Variants in HS6ST3 observed in about 807,000 individuals in gnomAD.
The protein encoded by HS6ST3 is heparan sulfate 6-O-sulfotransferase 3, also known as heparan-sulfate 6-O-sulfotransferase 3.
Under a neutral mutation model 36.7 loss-of-function variants are expected in HS6ST3, and 12 were observed. The observed-to-expected ratio is 0.33, with a 90% CI of 0.21 to 0.53. HS6ST3 has a LOEUF of 0.53. Ranked by LOEUF, HS6ST3 falls within the 20% of genes least tolerant of loss-of-function variation. The pLI, the probability that HS6ST3 is intolerant of heterozygous loss-of-function variation, is 0.95. For missense variants in HS6ST3, 584 were observed against 640.9 expected (o/e 0.91, Z 0.96); for synonymous variants, 240 against 257.5 (o/e 0.93, Z 0.65).
chr13:96,601,623 T>C (rs933836694), intron 1 of HS6ST3, among the ~76,000 whole-genome samples: 2 of 152,224 alleles, frequency 1.3e-5, no homozygotes, highest in African/African-American at 4.8e-5. Context: ...AAAGATTTGA[T>C]TTTGATTTGA....
chr13:96,112,811 A>T (rs1453972794), intron 1 of HS6ST3, among the ~76,000 whole-genome samples: 1 of 151,510 alleles, frequency 6.6e-6, no homozygotes, highest in Non-Finnish European at 1.5e-5. Flanking sequence ...AGACAACATA[A>T]CTTAAATAAA....
chr13:96,126,902 C>T (rs2053954807), intron 1 of HS6ST3, among the ~76,000 whole-genome samples: 1 of 152,054 alleles, frequency 6.6e-6, no homozygotes, highest in South Asian at 2.1e-4. Flanking sequence ...TTTCCTCTAC[C>T]CCCAGCTCTC....
At chr13:96,569,028 T>C (rs1284797102) in intron 1 of HS6ST3, among the ~76,000 whole-genome samples, 4 of 152,252 alleles carry the variant, frequency 2.6e-5, no homozygotes, top group Non-Finnish European at 5.9e-5. Flanking sequence ...TTGGTTATCT[T>C]CATGGAAAGA....
chr13:96,602,975 G>C (rs190396784), intron 1 of HS6ST3, among the ~76,000 whole-genome samples: 1 of 152,046 alleles, frequency 6.6e-6, no homozygotes, highest in African/African-American at 2.4e-5. Context: ...TTTTCTTATT[G>C]TCATGCTATA....
At chr13:96,208,275 T>C (rs770325828) in intron 1 of HS6ST3, among the ~76,000 whole-genome samples, 30 of 152,172 alleles carry the variant, frequency 2.0e-4, no homozygotes, top group Non-Finnish European at 2.4e-4. Flanking sequence ...ATTATTCTTT[T>C]AATGATTACA....
At chr13:96,548,976 A>G (rs988226344) in intron 1 of HS6ST3, among the ~76,000 whole-genome samples, 4 of 152,198 alleles carry the variant, frequency 2.6e-5, no homozygotes, top group African/African-American at 9.6e-5. Flanking sequence ...ACATACAATC[A>G]ACCCTCACAC....
chr13:96,538,284 T>C (rs1207268120), intron 1 of HS6ST3, among the ~76,000 whole-genome samples: 1 of 152,266 alleles, frequency 6.6e-6, no homozygotes, highest in African/African-American at 2.4e-5. Context: ...CCAATCATAC[T>C]TTGAGAGAAT....
At chr13:96,418,301 G>C (rs1427395110) in intron 1 of HS6ST3, among the ~76,000 whole-genome samples, 1 of 152,230 alleles carries the variant, frequency 6.6e-6, no homozygotes, top group Admixed American at 6.5e-5. Context: ...TGAACATGCA[G>C]TATGAATGAC....
At chr13:96,433,530 T>G (rs2055626577) in intron 1 of HS6ST3, among the ~76,000 whole-genome samples, 1 of 152,222 alleles carries the variant, frequency 6.6e-6, no homozygotes, top group African/African-American at 2.4e-5. Flanking sequence ...ATGAGAGTTC[T>G]TCTGCACATG....
chr13:96,782,346 G>T (rs1877545634), intron 1 of HS6ST3, among the ~76,000 whole-genome samples: 1 of 152,166 alleles, frequency 6.6e-6, no homozygotes, highest in Non-Finnish European at 1.5e-5. Flanking sequence ...TCAGACCAGT[G>T]CTAAGTAAGA....
chr13:96,803,793 A>G (rs894495619), intron 1 of HS6ST3, among the ~76,000 whole-genome samples: 1 of 152,052 alleles, frequency 6.6e-6, no homozygotes, highest in Admixed American at 6.6e-5. Context: ...GAAAATTGTG[A>G]TTTTGTTTCT....
At chr13:96,265,372 G>T (rs1006464321) in intron 1 of HS6ST3, among the ~76,000 whole-genome samples, 10 of 151,860 alleles carry the variant, frequency 6.6e-5, no homozygotes, top group African/African-American at 2.2e-4. Context: ...TAGAGATGGT[G>T]TCTCATTATG....
chr13:96,194,350 C>T (rs555718410), intron 1 of HS6ST3, among the ~76,000 whole-genome samples: 4 of 152,084 alleles, frequency 2.6e-5, no homozygotes, highest in Admixed American at 2.0e-4. Context: ...AAACATAATC[C>T]CTTTAGATAA....
intron 1 of HS6ST3, among the ~76,000 whole-genome samples, chr13:96,246,363 A>AAG (rs2054585015): frequency 6.6e-5 from 10 of 152,176 alleles, no homozygotes; most frequent in Admixed American, 5.2e-4. Flanking sequence ...GTTAGCTATC[A>AAG]AGGTGAACTT....
rs549597035 is a variant in HS6ST3 at position 96,181,650 on chromosome 13, C to A, written c.707+90081C>A. The stretch of plus-strand genomic sequence containing the variant: ...GGCACATTCGACTCGGAAGGCTGAT[C>A]CTAGGATGGAGGATGCTTGCTGCCA... On this transcript the variant is annotated intron_variant, in intron 1 of 1. Transcript: ENST00000376705. Among the ~76,000 whole-genome samples the A allele has an allele frequency of 1.2e-4, 18 of 152,206 alleles. No individual in the cohort carries two copies. The East Asian group carries it at 3.5e-3, about 29-fold the overall frequency.
At chr13:96,332,504 T>G (rs1411656105) in intron 1 of HS6ST3, among the ~76,000 whole-genome samples, 1 of 152,204 alleles carries the variant, frequency 6.6e-6, no homozygotes, top group Non-Finnish European at 1.5e-5. Flanking sequence ...GGTTCTGTCT[T>G]CTGAGAATGT....
intron 1 of HS6ST3, among the ~76,000 whole-genome samples, chr13:96,792,207 C>T (rs1173114196): frequency 6.6e-6 from 1 of 151,940 alleles, no homozygotes; most frequent in Non-Finnish European, 1.5e-5. Flanking sequence ...AGAGATTGCC[C>T]ATGGTTTCAC....
chr13:96,296,521 C>A (rs1182543798), intron 1 of HS6ST3, among the ~76,000 whole-genome samples: 1 of 152,002 alleles, frequency 6.6e-6, no homozygotes, highest in Non-Finnish European at 1.5e-5. Context: ...TACAGAACAA[C>A]GGTGAGAAAA....
chr13:96,706,902 A>G (rs1226128163), intron 1 of HS6ST3, among the ~76,000 whole-genome samples: 1 of 152,108 alleles, frequency 6.6e-6, no homozygotes, highest in Non-Finnish European at 1.5e-5. Flanking sequence ...TCTTGCCTTA[A>G]CAGCAGTACT....
Sources: gnomAD v4.1 joint callset for allele counts (sites outside exome capture counted in the v4.1 genomes callset) on GRCh38, gnomAD v4.1.1 for gene constraint, MANE v1.5 for transcripts, NCBI Gene and HGNC (gene_info 2026-07-23, HGNC 2026-07-21) for gene names.